Variants in CAMTA1 observed in about 807,000 individuals in gnomAD.
CAMTA1 encodes calmodulin binding transcription activator 1.
Under a neutral mutation model 170.9 loss-of-function variants are expected in CAMTA1, and 27 were observed. The observed-to-expected ratio is 0.16, with a 90% CI of 0.12 to 0.22. The LOEUF (loss-of-function observed/expected upper bound fraction) is 0.22, where lower values mean the gene tolerates loss of function less well. Ranked by LOEUF, CAMTA1 falls within the 10% of genes least tolerant of loss-of-function variation. The probability of loss-of-function intolerance (pLI) is 1.00; values close to 1 mark genes in which losing one functional copy is unlikely to be tolerated. For missense variants in CAMTA1, 1,619 were observed against 2,217.2 expected (o/e 0.73, Z 5.42); for synonymous variants, 833 against 891.5 (o/e 0.93, Z 1.17).
At chr1:7,152,843 C>T (rs896740261) in intron 4 of CAMTA1, among the ~76,000 whole-genome samples, 4 of 152,136 alleles carry the variant, frequency 2.6e-5, no homozygotes, top group African/African-American at 9.7e-5. Flanking sequence ...GGTGCTCGAC[C>T]CTAACCTTTC....
intron 16 of CAMTA1, among the ~76,000 whole-genome samples, chr1:7,742,960 C>G (rs1230483187): frequency 6.6e-6 from 1 of 152,126 alleles, no homozygotes; most frequent in Non-Finnish European, 1.5e-5. Context: ...TCTCTAGTAT[C>G]TGGGATTACA....
chr1:7,743,156 A>C (rs941996272), intron 16 of CAMTA1, among the ~76,000 whole-genome samples: 2 of 151,662 alleles, frequency 1.3e-5, no homozygotes, highest in African/African-American at 2.4e-5. Flanking sequence ...GCCTGGCCCA[A>C]TATATTTTTC....
intron 5 of CAMTA1, among the ~76,000 whole-genome samples, chr1:7,460,025 A>G (rs2093045329): frequency 6.6e-6 from 1 of 152,236 alleles, no homozygotes; most frequent in Middle Eastern, 3.2e-3. Context: ...GCAGCGCCAT[A>G]AAATCACAGG....
At chr1:7,730,570 G>A (rs1407237329) in intron 11 of CAMTA1, among the ~76,000 whole-genome samples, 2 of 152,036 alleles carry the variant, frequency 1.3e-5, no homozygotes, top group Admixed American at 1.3e-4. Flanking sequence ...TCCCCTCTTC[G>A]CTATTGAATA....
At chr1:7,399,685 C>G (rs940947615) in intron 5 of CAMTA1, among the ~76,000 whole-genome samples, 1 of 152,206 alleles carries the variant, frequency 6.6e-6, no homozygotes, top group Admixed American at 6.5e-5. Context: ...ATACCCTCAG[C>G]TTTGCTTGTC....
At chr1:7,627,942 G>A (rs2095644271) in intron 6 of CAMTA1, among the ~76,000 whole-genome samples, 2 of 152,236 alleles carry the variant, frequency 1.3e-5, no homozygotes, top group South Asian at 4.1e-4. Context: ...CATCTGAATT[G>A]TGTGGTGGAA....
chr1:7,164,653 A>G (rs1647995801), intron 4 of CAMTA1, among the ~76,000 whole-genome samples: 1 of 152,270 alleles, frequency 6.6e-6, no homozygotes, highest in Non-Finnish European at 1.5e-5. Context: ...CAGCTTTGAA[A>G]GCCAGGGAGA....
intron 12 of CAMTA1, among the ~76,000 whole-genome samples, chr1:7,734,492 T>C (rs1396239866): frequency 6.6e-6 from 1 of 152,112 alleles, no homozygotes; most frequent in Non-Finnish European, 1.5e-5. Context: ...CTTCAGTAAA[T>C]GTCCGTGTTT....
At chr1:6,820,475 A>C (rs924588045) in intron 2 of CAMTA1, among the ~76,000 whole-genome samples, 1 of 152,220 alleles carries the variant, frequency 6.6e-6, no homozygotes, top group African/African-American at 2.4e-5. Context: ...CAAAAGATTT[A>C]ATCACACGGA....
chr1:7,448,254 C>G (rs1213757743), intron 5 of CAMTA1, among the ~76,000 whole-genome samples: 1 of 152,160 alleles, frequency 6.6e-6, no homozygotes, highest in Non-Finnish European at 1.5e-5. Flanking sequence ...GCTCTCCCCT[C>G]CAGAATTCTG....
chr1:7,351,476 C>T (rs1388843950), intron 5 of CAMTA1, among the ~76,000 whole-genome samples: 1 of 152,246 alleles, frequency 6.6e-6, no homozygotes, highest in East Asian at 1.9e-4. Context: ...CCAGTCCCAC[C>T]ATCCAGGAAC....
intron 3 of CAMTA1, among the ~76,000 whole-genome samples, chr1:6,951,317 A>G (rs553708428): frequency 1.3e-5 from 2 of 152,166 alleles, no homozygotes. Context: ...ACATTTGTGT[A>G]AAGTGACTTT....
intron 4 of CAMTA1, among the ~76,000 whole-genome samples, chr1:7,150,360 G>T (rs1007936109): frequency 6.6e-6 from 1 of 152,138 alleles, no homozygotes; most frequent in African/African-American, 2.4e-5. Flanking sequence ...AAAGCCACAG[G>T]GCATCCTCAG....
At chr1:7,655,404 CCA>C (rs2095888916) in intron 7 of CAMTA1, among the ~76,000 whole-genome samples, 1 of 89,152 alleles carries the variant, frequency 1.1e-5, no homozygotes, top group Non-Finnish European at 2.4e-5. Flanking sequence ...ACAAATACAC[CCA>C]CCTATACACA....
intron 3 of CAMTA1, among the ~76,000 whole-genome samples, chr1:6,889,638 G>A (rs1023948060): frequency 6.6e-6 from 1 of 152,138 alleles, no homozygotes; most frequent in African/African-American, 2.4e-5. Context: ...TTTTATTATG[G>A]TTAATGTCCA....
chr1:6,807,096 C>T, intron 1 of CAMTA1: 2 of 617,350 alleles, frequency 3.2e-6, no homozygotes, highest in South Asian at 1.9e-5. Context: ...AAGGTGCGTG[C>T]AATATGTCAT....
chr1:6,808,571 C>G (rs1350001359), intron 1 of CAMTA1, among the ~76,000 whole-genome samples: 2 of 152,222 alleles, frequency 1.3e-5, no homozygotes, highest in African/African-American at 4.8e-5. Flanking sequence ...ATCGGATGCC[C>G]TTCCTGTGTG....
intron 4 of CAMTA1, among the ~76,000 whole-genome samples, chr1:7,202,858 G>A (rs887099527): frequency 6.6e-6 from 1 of 152,090 alleles, no homozygotes; most frequent in Non-Finnish European, 1.5e-5. Context: ...CCAACCCGGA[G>A]GTCTTTTACT....
intron 3 of CAMTA1, among the ~76,000 whole-genome samples, chr1:6,836,274 A>G (rs7521838): frequency 0.023 from 3,551 of 152,354 alleles, 58 homozygotes; most frequent in Middle Eastern, 0.054. Context: ...AACAAAAAGA[A>G]ATCCTTTCTA....
Sources: allele counts gnomAD v4.1 joint callset (sites outside exome capture counted in the v4.1 genomes callset), GRCh38; gene constraint gnomAD v4.1.1; transcripts MANE v1.5; gene names NCBI Gene and HGNC (gene_info 2026-07-23, HGNC 2026-07-21).